Variants in SLC4A4 observed in about 807,000 individuals in gnomAD.
SLC4A4 encodes solute carrier family 4 member 4.
SLC4A4 carries 27 observed loss-of-function variants against 111.5 expected under a neutral mutation model. That is an observed-to-expected ratio of 0.24 (90% confidence interval 0.18 to 0.33). SLC4A4 has a LOEUF of 0.33. Among genes scored for constraint, SLC4A4 ranks in the 10% least tolerant of loss-of-function variants. SLC4A4 has a pLI of 1.00. For synonymous variants in SLC4A4, 443 were observed against 463.4 expected (o/e 0.96, Z 0.57); for missense variants, 909 against 1,315.5 (o/e 0.69, Z 4.78).
intron 2 of SLC4A4, among the ~76,000 whole-genome samples, chr4:71,134,116 A>C (rs1379470472): frequency 1.3e-5 from 2 of 152,240 alleles, no homozygotes; most frequent in Non-Finnish European, 2.9e-5. Flanking sequence ...AAGATTTTCA[A>C]AATTCTCATT....
intron 1 of SLC4A4, among the ~76,000 whole-genome samples, chr4:71,211,258 T>G (rs1437610786): frequency 6.6e-6 from 1 of 152,224 alleles, no homozygotes; most frequent in Non-Finnish European, 1.5e-5. Flanking sequence ...AGATTTATCT[T>G]TTATTTGCTT....
chr4:71,164,166 A>G (rs1744677919), intron 2 of SLC4A4, among the ~76,000 whole-genome samples: 1 of 152,182 alleles, frequency 6.6e-6, no homozygotes, highest in South Asian at 2.1e-4. Context: ...AGATTACCTG[A>G]GGTCAGGAGT....
At chr4:71,306,597 A>G (rs918661982) in intron 3 of SLC4A4, among the ~76,000 whole-genome samples, 1 of 152,170 alleles carries the variant, frequency 6.6e-6, no homozygotes, top group Non-Finnish European at 1.5e-5. Flanking sequence ...AAAAAATCAT[A>G]ATAATACCTA....
intron 1 of SLC4A4, among the ~76,000 whole-genome samples, chr4:71,226,526 C>A (rs917291934): frequency 4.6e-5 from 7 of 151,998 alleles, no homozygotes; most frequent in Admixed American, 4.6e-4. Flanking sequence ...GAGCTAAGAT[C>A]TAATGTTAGT....
intron 3 of SLC4A4, among the ~76,000 whole-genome samples, chr4:71,336,000 A>T (rs1188076925): frequency 6.6e-6 from 1 of 152,116 alleles, no homozygotes; most frequent in African/African-American, 2.4e-5. Flanking sequence ...TTACTTAGTT[A>T]ATATTTATTT....
intron 1 of SLC4A4, among the ~76,000 whole-genome samples, chr4:71,221,132 GT>G (rs1454594713): frequency 6.6e-6 from 1 of 152,196 alleles, no homozygotes; most frequent in Non-Finnish European, 1.5e-5. Flanking sequence ...GGGCATTTAG[GT>G]TGATTCCATG....
chr4:71,365,312 ATCT>A (rs1731143277), intron 6 of SLC4A4, among the ~76,000 whole-genome samples: 1 of 152,074 alleles, frequency 6.6e-6, no homozygotes, highest in Non-Finnish European at 1.5e-5. Context: ...CCCTGAGTAA[ATCT>A]TCTTCCAAGG....
At chr4:71,332,530 C>T (rs1488076804) in intron 3 of SLC4A4, among the ~76,000 whole-genome samples, 1 of 151,510 alleles carries the variant, frequency 6.6e-6, no homozygotes, top group African/African-American at 2.4e-5. Context: ...CTGCAAGCTC[C>T]GCCTTCCGGG....
rs190987023 is a variant in SLC4A4 at position 71,297,679 on chromosome 4, C to T, written c.254-41691C>T. ...ATAGGCTCATTGCAACCTCCGCCTCCGAGGTTCAAGTGATTCTCCTGCCTC... is the reference window on the plus strand; with the variant it reads ...ATAGGCTCATTGCAACCTCCGCCTCTGAGGTTCAAGTGATTCTCCTGCCTC... On this transcript the variant is annotated intron_variant, in intron 3 of 25. Transcript: ENST00000264485. 9.6e-4 allele frequency among the ~76,000 whole-genome samples: 146 copies of T among 151,306 alleles called. 1 individual carries two copies. Among genetic ancestry groups the T allele is most frequent in the African/African-American group, 3.0e-3 (123 of 41,120 alleles).
At chr4:71,313,312 A>T (rs1726366232) in intron 3 of SLC4A4, among the ~76,000 whole-genome samples, 1 of 152,230 alleles carries the variant, frequency 6.6e-6, no homozygotes, top group South Asian at 2.1e-4. Flanking sequence ...TTCCATGCTC[A>T]TGGATACAAG....
intron 2 of SLC4A4, among the ~76,000 whole-genome samples, chr4:71,242,480 G>A (rs1720320042): frequency 6.6e-6 from 1 of 152,140 alleles, no homozygotes; most frequent in Admixed American, 6.5e-5. Context: ...GCAACTTATA[G>A]TTTAGATTAT....
intron 16 of SLC4A4, among the ~76,000 whole-genome samples, chr4:71,505,042 C>T (rs979436559): frequency 2.0e-5 from 3 of 152,146 alleles, no homozygotes; most frequent in African/African-American, 7.2e-5. Context: ...CATCCATGTC[C>T]CTGCAAAGGA....
intron 3 of SLC4A4, among the ~76,000 whole-genome samples, chr4:71,336,944 C>T (rs1159301087): frequency 7.9e-5 from 12 of 152,092 alleles, no homozygotes; most frequent in Non-Finnish European, 1.6e-4. Context: ...TCTTGTTGTC[C>T]AGTTCTGTCT....
chr4:71,424,988 A>G (rs547627682), intron 7 of SLC4A4, among the ~76,000 whole-genome samples: 1 of 151,450 alleles, frequency 6.6e-6, no homozygotes, highest in East Asian at 1.9e-4. Context: ...CTTAAAGTAT[A>G]ATAATAATAA....
At chr4:71,552,680 T>C (rs1444688967) in intron 20 of SLC4A4, among the ~76,000 whole-genome samples, 2 of 151,840 alleles carry the variant, frequency 1.3e-5, no homozygotes, top group Non-Finnish European at 2.9e-5. Flanking sequence ...TGTATGGTAA[T>C]CTTATTTATA....
In SLC4A4 at chr4:71,548,060, GT is replaced by G. The variant is rs1175787298; in HGVS notation, c.2694+341del. The stretch of plus-strand genomic sequence containing the variant: ...CACACACACATTTTTTATTCTCCTT[GT>G]CTTTTATACATTCTTTCTTCTATCA... On this transcript the variant is annotated intron_variant, in intron 20 of 25. Coordinates refer to ENST00000264485, the MANE Select transcript of SLC4A4 (RefSeq NM_001098484.3). 4.0e-5 allele frequency among the ~76,000 whole-genome samples: 6 copies of G among 151,868 alleles called. No homozygotes were observed. The East Asian group carries it at 1.2e-3, about 30-fold the overall frequency.
At chr4:71,534,068 G>A (rs1734179740) in intron 17 of SLC4A4, among the ~76,000 whole-genome samples, 159 bp from the exon 18 acceptor site, 1 of 152,020 alleles carries the variant, frequency 6.6e-6, no homozygotes, top group Admixed American at 6.6e-5. Flanking sequence ...CTTTGGGAGA[G>A]TTTTGGTGAA....
Position 71,391,025 on chromosome 4 carries a change from G to T in SLC4A4, c.731-6552G>T, listed in dbSNP as rs188633507. ...CTCGAATATAGACATTTTCTAGTAG[G>T]TTTGTTATGCCAACAAAGGAAGAAG... On this transcript the variant is annotated intron_variant, in intron 6 of 25. Coordinates refer to ENST00000264485, the MANE Select transcript of SLC4A4 (RefSeq NM_001098484.3). Among the ~76,000 whole-genome samples the T allele has an allele frequency of 2.3e-3, 357 of 152,172 alleles. 1 individual carries two copies. The highest frequency in any genetic ancestry group is 8.1e-3 in the African/African-American group (336 of 41,548).
intron 14 of SLC4A4, among the ~76,000 whole-genome samples, chr4:71,483,009 A>G (rs1729026765): frequency 6.6e-6 from 1 of 151,668 alleles, no homozygotes; most frequent in Admixed American, 6.6e-5. Context: ...ATGTTTTAAA[A>G]TGAAGAAATA....
Sources: gnomAD v4.1 joint callset for allele counts (sites outside exome capture counted in the v4.1 genomes callset) on GRCh38, gnomAD v4.1.1 for gene constraint, MANE v1.5 for transcripts, NCBI Gene and HGNC (gene_info 2026-07-23, HGNC 2026-07-21) for gene names.